Variants in RHBDD1 observed in about 807,000 individuals in gnomAD.
The protein encoded by RHBDD1 is rhomboid domain containing 1.
In RHBDD1, 38 loss-of-function variants were observed where a neutral mutation model predicts 36.3. The observed-to-expected ratio is 1.05, with a 90% confidence interval of 0.81 to 1.37. The LOEUF is 1.37. Ranked by LOEUF, RHBDD1 falls within the 40% of genes most tolerant of loss-of-function variation. The pLI, the probability that RHBDD1 is intolerant of heterozygous loss-of-function variation, is 0.00. For missense variants in RHBDD1, 393 were observed against 377.6 expected, an observed-to-expected ratio of 1.04 and a Z score of -0.34; for synonymous variants, 151 against 136.5, an observed-to-expected ratio of 1.11 and a Z score of -0.74.
chr2:226,823,998 G>A, the RHBDD1 span, among the ~76,000 whole-genome samples: 1 of 152,008 alleles, frequency 6.6e-6, no homozygotes, highest in Non-Finnish European at 1.5e-5. Flanking sequence ...GTTGCATTGG[G>A]GATTAAGGTT....
chr2:226,859,582 C>A (rs1235364990), intron 3 of RHBDD1, among the ~76,000 whole-genome samples: 4 of 152,100 alleles, frequency 2.6e-5, no homozygotes, highest in African/African-American at 9.7e-5. Flanking sequence ...TTGTGGTGAT[C>A]CTGTGGTAGC....
Position 226,839,593 on chromosome 2 carries a change from G to A in RHBDD1, c.-125G>A, listed in dbSNP as rs1941387153. On this transcript the variant is annotated 5_prime_UTR_variant, in exon 3 of 9. Transcript: ENST00000392062. ...TGGAATAGAAATCCTCAGGGCATGA[G>A]CTATACCTAAAACGTAATGGTATTA... The A allele has an allele frequency of 6.6e-6, 1 of 152,134 alleles. No individual in the cohort carries two copies. Among genetic ancestry groups the A allele is most frequent in the South Asian group, 2.1e-4 (1 of 4,824 alleles). The allele number at this position is 152,134 out of a possible 1,614,324, so 9.4% of individuals were successfully genotyped here.
chr2:226,942,955 G>A (rs989363120), intron 8 of RHBDD1, among the ~76,000 whole-genome samples: 25 of 152,126 alleles, frequency 1.6e-4, no homozygotes, highest in African/African-American at 5.3e-4. Flanking sequence ...GAGAATTTCC[G>A]CTGTTGTCCG....
rs189548030 is a variant in RHBDD1, at chr2:226,948,960, A to T, written c.856+34609A>T. On this transcript the variant is annotated intron_variant, in intron 8 of 8. Coordinates refer to ENST00000392062, the MANE Select transcript of RHBDD1 (RefSeq NM_001167608.3). ...GCCAAGTCTCAGGATACAAAAATCA[A>T]TGTGCAAAAATCACAAGCATTCCTA... 2.7e-3 allele frequency among the ~76,000 whole-genome samples: 409 copies of T among 152,352 alleles called. 4 individuals carry two copies. In the South Asian group the frequency reaches 0.043, roughly 16 times the overall value.
intron 8 of RHBDD1, among the ~76,000 whole-genome samples, chr2:226,944,461 A>G (rs542148969): frequency 6.6e-6 from 1 of 152,286 alleles, no homozygotes; most frequent in African/African-American, 2.4e-5. Context: ...CTGTCAATTA[A>G]CTGGCAGAAT....
At chr2:226,977,804 T>G (rs906527851) in intron 8 of RHBDD1, among the ~76,000 whole-genome samples, 5 of 152,250 alleles carry the variant, frequency 3.3e-5, no homozygotes, top group Non-Finnish European at 5.9e-5. Context: ...TGGCCTATTG[T>G]TCTAAGTCTT....
chr2:226,874,388 T>C (rs976835710), intron 5 of RHBDD1, among the ~76,000 whole-genome samples: 3 of 152,172 alleles, frequency 2.0e-5, no homozygotes, highest in Non-Finnish European at 4.4e-5. Flanking sequence ...ATTGTTGCTG[T>C]AACAAAGTAC....
intron 3 of RHBDD1, among the ~76,000 whole-genome samples, chr2:226,850,622 GT>G (rs1361306583): frequency 6.6e-6 from 1 of 152,060 alleles, no homozygotes; most frequent in African/African-American, 2.4e-5. Context: ...TCTAGGTGGT[GT>G]CTATAGGCAA....
chr2:226,960,120 G>A (rs937213383), intron 8 of RHBDD1, among the ~76,000 whole-genome samples: 1 of 152,168 alleles, frequency 6.6e-6, no homozygotes, highest in Non-Finnish European at 1.5e-5. Context: ...ACCGTGCCCG[G>A]CCACATTTAT....
At chr2:226,983,586 T>C (rs1344894292) in intron 8 of RHBDD1, among the ~76,000 whole-genome samples, 1 of 152,188 alleles carries the variant, frequency 6.6e-6, no homozygotes, top group Non-Finnish European at 1.5e-5. Context: ...CAACTTTTTG[T>C]CCCTTTTCAA....
At chr2:226,948,035 A>G (rs1409347265) in intron 8 of RHBDD1, among the ~76,000 whole-genome samples, 1 of 152,088 alleles carries the variant, frequency 6.6e-6, no homozygotes, top group East Asian at 1.9e-4. Flanking sequence ...TAGAACTAGA[A>G]ATACCATTTG....
chr2:226,907,093 C>A, intron 6 of RHBDD1: 1 of 618,012 alleles, frequency 1.6e-6, no homozygotes, highest in Non-Finnish European at 2.9e-6. Context: ...GAATCTGATA[C>A]TTTCTTAGGG....
intron 5 of RHBDD1, among the ~76,000 whole-genome samples, chr2:226,897,268 AG>A (rs1285283121): frequency 1.3e-5 from 2 of 151,918 alleles, no homozygotes; most frequent in Non-Finnish European, 2.9e-5. Flanking sequence ...TTCTGGGTAA[AG>A]TAGACTTGCT....
At chr2:226,968,066 A>G (rs889594339) in intron 8 of RHBDD1, among the ~76,000 whole-genome samples, 2 of 152,204 alleles carry the variant, frequency 1.3e-5, no homozygotes, top group Non-Finnish European at 2.9e-5. Context: ...CTTGCATAAC[A>G]TAATTTAATT....
chr2:226,937,904 C>A (rs1575165148), intron 8 of RHBDD1, among the ~76,000 whole-genome samples: 1 of 152,244 alleles, frequency 6.6e-6, no homozygotes, highest in Non-Finnish European at 1.5e-5. Context: ...AGTGAACATA[C>A]ACGTGCATGT....
At chr2:226,980,350 A>G (rs1430136537) in intron 8 of RHBDD1, among the ~76,000 whole-genome samples, 2 of 152,166 alleles carry the variant, frequency 1.3e-5, no homozygotes, top group East Asian at 3.9e-4. Flanking sequence ...CAGCTTTGTA[A>G]GACACCGGTA....
At chr2:226,958,035 C>T (rs1428194746) in intron 8 of RHBDD1, among the ~76,000 whole-genome samples, 3 of 152,212 alleles carry the variant, frequency 2.0e-5, no homozygotes, top group East Asian at 1.9e-4. Flanking sequence ...ATATTAATCA[C>T]CAATTTTTAA....
chr2:226,851,761 ATTG>A (rs1942840540), intron 3 of RHBDD1, among the ~76,000 whole-genome samples: 1 of 152,072 alleles, frequency 6.6e-6, no homozygotes, highest in African/African-American at 2.4e-5. Flanking sequence ...TGTTGTTGCT[ATTG>A]TTGTTGAAAG....
intron 8 of RHBDD1, among the ~76,000 whole-genome samples, chr2:226,965,221 C>T (rs1166288719): frequency 6.6e-6 from 1 of 152,176 alleles, no homozygotes; most frequent in Admixed American, 6.5e-5. Flanking sequence ...AGAACAGTCA[C>T]AAGCCAGGGA....
Sources: allele counts gnomAD v4.1 joint callset (sites outside exome capture counted in the v4.1 genomes callset), GRCh38; gene constraint gnomAD v4.1.1; transcripts MANE v1.5; gene names NCBI Gene and HGNC (gene_info 2026-07-23, HGNC 2026-07-21).